The following OCIAD2 variants were observed in gnomAD, a reference collection of about 807,000 sequenced individuals.
The protein encoded by OCIAD2 is OCIA domain containing 2, also known as OCIA domain-containing protein 2.
In OCIAD2, 29 loss-of-function variants were observed where a neutral mutation model predicts 22.9. That is an observed-to-expected ratio of 1.27 (90% CI 0.94 to 1.73). The LOEUF (loss-of-function observed/expected upper bound fraction) is 1.73, where lower values mean the gene tolerates loss of function less well. OCIAD2 is among the 40% of genes most tolerant of loss of function. The pLI is 0.00. For synonymous variants in OCIAD2, 67 were observed against 60.2 expected (o/e 1.11, Z -0.52); for missense variants, 189 against 180.3 (o/e 1.05, Z -0.28).
chr4:48,904,378 G>A, intron 2 of OCIAD2, 106 bp downstream of exon 2: 1 of 970,444 alleles, frequency 1.0e-6, no homozygotes, highest in East Asian at 2.4e-5. Flanking sequence ...TAATCCAGCA[G>A]TTCGAGACTG....
intron 6 of OCIAD2, among the ~76,000 whole-genome samples, chr4:48,887,773 A>G (rs1781034957): frequency 6.6e-6 from 1 of 152,170 alleles, no homozygotes; most frequent in Non-Finnish European, 1.5e-5. Context: ...AGGTAGCATG[A>G]TGCCTCCAGT....
chr4:48,906,023 T>G (rs1781516960), intron 1 of OCIAD2, among the ~76,000 whole-genome samples: 2 of 152,216 alleles, frequency 1.3e-5, no homozygotes, highest in South Asian at 4.1e-4. Flanking sequence ...TTCCATTTCC[T>G]GAGCACTCCC....
chr4:48,885,488 G>A lies in OCIAD2; in HGVS notation c.461C>T (p.Ser154Phe). 1.9e-6 allele frequency: 3 copies of A among 1,589,344 alleles called. No individual in the cohort carries two copies. The highest frequency in any genetic ancestry group is 2.6e-6 in the Non-Finnish European group (3 of 1,157,798). ...SEKGDSQPSAS is the reference protein window; with the variant it reads ...SEKGDSQPSAF Reference sequence around the variant, plus strand: ...CGAAAGTCACAGACACAGAATTTAGGAAGCTGAAGGCTGAGAGTCTCCCTT... The same window carrying A: ...CGAAAGTCACAGACACAGAATTTAGAAAGCTGAAGGCTGAGAGTCTCCCTT... Residue 154 changes from serine (S) to phenylalanine (F), a missense_variant, in exon 7 of 7, where the codon TCC (serine) becomes TTC (phenylalanine). Ser to Phe is a radical substitution (Grantham distance 155). Coordinates refer to ENST00000508632, the MANE Select transcript of OCIAD2 (RefSeq NM_001014446.3).
At chr4:48,902,617 A>G (rs1488816047) in intron 2 of OCIAD2, among the ~76,000 whole-genome samples, 13 of 152,198 alleles carry the variant, frequency 8.5e-5, no homozygotes, top group Non-Finnish European at 1.5e-5. Flanking sequence ...CCTGGGGCAG[A>G]AATAAGGACT....
chr4:48,903,652 T>C (rs1781465395), intron 2 of OCIAD2, among the ~76,000 whole-genome samples: 1 of 148,612 alleles, frequency 6.7e-6, no homozygotes, highest in Admixed American at 6.7e-5. Flanking sequence ...TTTTTTTTTT[T>C]TTTCTTTTTT....
In OCIAD2 at chr4:48,885,556, G is replaced by T. The variant is rs1490613025; in HGVS notation, c.393C>A (p.Leu131=). 6.2e-7 allele frequency: 1 copy of T among 1,603,474 alleles called. No homozygotes were observed. The highest frequency in any genetic ancestry group is 1.3e-5 in the African/African-American group (1 of 74,708). The change falls in exon 7 of 7, where the codon CTC becomes CTA. Residue 131 remains leucine, a synonymous_variant. Transcript: ENST00000508632. ...GFGPQHNRHC[L]LTCEECKIKH... ...TTATTTTGCATTCCTCACAGGTAAG[G>T]AGGCAGTGCCTAGAAGAGAAGCAAA... is the stretch of plus-strand genomic sequence containing the variant.
chr4:48,888,742 A>C (rs1781070277), intron 6 of OCIAD2, among the ~76,000 whole-genome samples: 1 of 152,164 alleles, frequency 6.6e-6, no homozygotes, highest in Admixed American at 6.5e-5. Flanking sequence ...GTTTGCCAGT[A>C]GTCTATTGAG....
rs144016266 is a variant in OCIAD2, at chr4:48,890,184, G to A, written c.383+2588C>T. Among the ~76,000 whole-genome samples the A allele has an allele frequency of 3.2e-3, 481 of 151,734 alleles. 1 individual carries two copies. Among genetic ancestry groups the A allele is most frequent in the African/African-American group, 0.011 (446 of 41,368 alleles). On this transcript the variant is annotated intron_variant, in intron 6 of 6. Transcript: ENST00000508632. ...GATGAGTTAATGGGTGCAGCACACC[G>A]ACGTGGCACATGCATACATATGTAA...
intron 1 of OCIAD2, among the ~76,000 whole-genome samples, chr4:48,905,390 T>C (rs187051216): frequency 1.5e-4 from 23 of 150,516 alleles, no homozygotes; most frequent in Admixed American, 9.2e-4. Flanking sequence ...ATATGAACAC[T>C]GAGCCCAAGG....
At chr4:48,902,371 G>C (rs898847974) in intron 2 of OCIAD2, among the ~76,000 whole-genome samples, 3 of 152,136 alleles carry the variant, frequency 2.0e-5, no homozygotes, top group Non-Finnish European at 2.9e-5. Flanking sequence ...CAATAAAAGG[G>C]GTGGAGAAAC....
intron 3 of OCIAD2, among the ~76,000 whole-genome samples, chr4:48,898,336 T>C (rs1211164978): frequency 6.6e-6 from 1 of 151,080 alleles, no homozygotes; most frequent in Non-Finnish European, 1.5e-5. Flanking sequence ...TTTATCTCTT[T>C]CTAATTTTTC....
At chr4:48,895,436 TGAG>T (rs1685400861) in intron 4 of OCIAD2, among the ~76,000 whole-genome samples, 2 of 152,214 alleles carry the variant, frequency 1.3e-5, no homozygotes, top group African/African-American at 4.8e-5. Flanking sequence ...TTCTGGAGGC[TGAG>T]AAGTCCAAGA....
At chr4:48,887,949 A>G (rs1245933574) in intron 6 of OCIAD2, among the ~76,000 whole-genome samples, 2 of 152,092 alleles carry the variant, frequency 1.3e-5, no homozygotes, top group Non-Finnish European at 2.9e-5. Flanking sequence ...TTTTCACGAT[A>G]TTGATTCTTC....
In OCIAD2 at chr4:48,904,941, C is replaced by T. The variant is rs543049515; in HGVS notation, c.-62-330G>A. Among the ~76,000 whole-genome samples the T allele has an allele frequency of 2.6e-4, 39 of 152,296 alleles. 1 individual carries two copies. The South Asian group carries it at 8.1e-3, about 32-fold the overall frequency. On this transcript the variant is annotated intron_variant, in intron 1 of 6. Coordinates refer to ENST00000508632, the MANE Select transcript of OCIAD2 (RefSeq NM_001014446.3). Reference sequence around the variant, plus strand: ...CCAAAAGGGGAGATAGACAAGTCAACAGTTACACAACATGAAAAGTATGCA... The same window carrying T: ...CCAAAAGGGGAGATAGACAAGTCAATAGTTACACAACATGAAAAGTATGCA...
At chr4:48,903,063 A>G (rs1412917262) in intron 2 of OCIAD2, among the ~76,000 whole-genome samples, 1 of 152,164 alleles carries the variant, frequency 6.6e-6, no homozygotes, top group Non-Finnish European at 1.5e-5. Flanking sequence ...GTGACTTTCT[A>G]TCATTTGTCT....
At chr4:48,885,782 G>A (rs556715315) in intron 6 of OCIAD2, among the ~76,000 whole-genome samples, 1 of 152,212 alleles carries the variant, frequency 6.6e-6, no homozygotes, top group East Asian at 1.9e-4. Context: ...CACTGCACCT[G>A]GCTTTAACAC....
At chr4:48,887,110 C>T (rs1781010894) in intron 6 of OCIAD2, among the ~76,000 whole-genome samples, 1 of 152,154 alleles carries the variant, frequency 6.6e-6, no homozygotes, top group South Asian at 2.1e-4. Context: ...AGCATTTTTT[C>T]ATGTGTCTTT....
chr4:48,887,753 G>C (rs1781033837), intron 6 of OCIAD2, among the ~76,000 whole-genome samples: 1 of 152,192 alleles, frequency 6.6e-6, no homozygotes, highest in African/African-American at 2.4e-5. Flanking sequence ...TTGTAGTATA[G>C]TTTGAAGTCA....
At chr4:48,885,670 G>C in intron 6 of OCIAD2, 105 bp from the exon 7 acceptor site, 1 of 670,696 alleles carries the variant, frequency 1.5e-6, no homozygotes. Flanking sequence ...CTTTTTAATA[G>C]AGATGTGGGG....
Sources: allele counts gnomAD v4.1 joint callset (sites outside exome capture counted in the v4.1 genomes callset), GRCh38; gene constraint gnomAD v4.1.1; transcripts MANE v1.5; gene names NCBI Gene and HGNC (gene_info 2026-07-23, HGNC 2026-07-21).